Variants in RSRC1 observed in about 807,000 individuals in gnomAD.
RSRC1 encodes the protein serine/Arginine-related protein 53.
In RSRC1, 39 loss-of-function variants were observed where a neutral mutation model predicts 49.1. The ratio of observed to expected loss-of-function variants is 0.79; its 90% CI spans 0.61 to 1.04. The LOEUF (loss-of-function observed/expected upper bound fraction) is 1.04. RSRC1 is among the 50% of genes least tolerant of loss of function. The probability of loss-of-function intolerance (pLI) is 0.00; values close to 1 mark genes in which losing one functional copy is unlikely to be tolerated. For synonymous variants in RSRC1, 143 were observed against 130.8 expected (o/e 1.09, Z -0.63); for missense variants, 388 against 402.4 (o/e 0.96, Z 0.31).
chr3:158,528,211 A>G (rs556312788), intron 7 of RSRC1, among the ~76,000 whole-genome samples: 1 of 152,086 alleles, frequency 6.6e-6, no homozygotes, highest in South Asian at 2.1e-4. Flanking sequence ...GCCAGCAACA[A>G]AAGAGCAGTA....
At chr3:158,492,599 C>T (rs1739131678) in intron 7 of RSRC1, among the ~76,000 whole-genome samples, 1 of 152,166 alleles carries the variant, frequency 6.6e-6, no homozygotes, top group Admixed American at 6.5e-5. Flanking sequence ...GCCACTTCCC[C>T]AGAAGGAAAG....
At chr3:158,147,209 AG>A (rs1460937653) in intron 3 of RSRC1, among the ~76,000 whole-genome samples, 1 of 148,242 alleles carries the variant, frequency 6.7e-6, no homozygotes, top group Non-Finnish European at 1.5e-5. Context: ...ACCCGCTAAA[AG>A]GAAATTTTCT....
At chr3:158,342,369 G>A (rs775311120) in intron 5 of RSRC1, among the ~76,000 whole-genome samples, 6 of 152,086 alleles carry the variant, frequency 3.9e-5, no homozygotes, top group Non-Finnish European at 7.3e-5. Flanking sequence ...AGTCTTTCCC[G>A]TGCTATTCTC....
chr3:158,307,937 T>C (rs1170910881), intron 5 of RSRC1, among the ~76,000 whole-genome samples: 1 of 151,972 alleles, frequency 6.6e-6, no homozygotes, highest in Non-Finnish European at 1.5e-5. Context: ...AACATAGCTT[T>C]ATATTTCCAA....
rs936679527 is a variant in RSRC1, at chr3:158,326,745, A to G, written c.532-28112A>G. The stretch of plus-strand genomic sequence containing the variant: ...GTATCAGGATGATGCTGGCCTCATA[A>G]AATGAGTTAGGGAGGATTCCCTCTT... On this transcript the variant is annotated intron_variant, in intron 5 of 9. Coordinates refer to ENST00000611884, the MANE Select transcript of RSRC1 (RefSeq NM_001271838.2). 2.0e-5 allele frequency among the ~76,000 whole-genome samples: 3 copies of G among 152,188 alleles called. 1 individual carries two copies. In the South Asian group the frequency reaches 6.2e-4, roughly 31 times the overall value.
At chr3:158,336,349 C>A (rs1729889195) in intron 5 of RSRC1, 1 of 152,200 alleles carries the variant, frequency 6.6e-6, no homozygotes, top group Non-Finnish European at 1.5e-5. Context: ...TCATAATGTT[C>A]TGGGGTTCCT....
At chr3:158,533,886 G>T (rs1712563231) in intron 7 of RSRC1, among the ~76,000 whole-genome samples, 1 of 151,572 alleles carries the variant, frequency 6.6e-6, no homozygotes, top group African/African-American at 2.4e-5. Context: ...TATGGGATGT[G>T]TTAATATTAA....
intron 3 of RSRC1, among the ~76,000 whole-genome samples, chr3:158,185,030 C>CT (rs10706401): frequency 1.3e-5 from 2 of 151,510 alleles, no homozygotes; most frequent in Non-Finnish European, 3.0e-5. Context: ...TGTTTTAAAT[C>CT]TTTTTTTTGA....
At chr3:158,349,595 A>G (rs576209360) in intron 5 of RSRC1, among the ~76,000 whole-genome samples, 2 of 151,042 alleles carry the variant, frequency 1.3e-5, no homozygotes, top group East Asian at 3.9e-4. Flanking sequence ...ATGGTACAGT[A>G]TCTGTACTGA....
intron 5 of RSRC1, among the ~76,000 whole-genome samples, chr3:158,351,893 A>G (rs1730896723): frequency 7.8e-6 from 1 of 127,838 alleles, no homozygotes; most frequent in Admixed American, 7.1e-5. Flanking sequence ...TAACTATTAT[A>G]TAATATATAA....
intron 4 of RSRC1, among the ~76,000 whole-genome samples, chr3:158,280,551 T>A (rs1726080745): frequency 6.6e-6 from 1 of 151,798 alleles, no homozygotes; most frequent in Non-Finnish European, 1.5e-5. Flanking sequence ...TAAATAATGT[T>A]TATGTGTGTG....
chr3:158,190,588 T>G (rs941649326), intron 3 of RSRC1, among the ~76,000 whole-genome samples: 9 of 151,416 alleles, frequency 5.9e-5, no homozygotes, highest in Non-Finnish European at 1.3e-4. Flanking sequence ...TAATAGTCAT[T>G]TCATATCTCC....
At chr3:158,206,252 A>T (rs1373500572) in intron 4 of RSRC1, among the ~76,000 whole-genome samples, 4 of 152,102 alleles carry the variant, frequency 2.6e-5, no homozygotes, top group Admixed American at 1.3e-4. Flanking sequence ...TGGTTGAGAG[A>T]TATTTCCCTC....
intron 9 of RSRC1, 115 bp downstream of exon 9, chr3:158,543,602 T>C: frequency 1.8e-5 from 20 of 1,118,134 alleles, no homozygotes; most frequent in Non-Finnish European, 2.5e-5. Flanking sequence ...CAGGTTCATA[T>C]TCCCTTGCTA....
At chr3:158,188,733 T>C (rs1200926765) in intron 3 of RSRC1, among the ~76,000 whole-genome samples, 1 of 151,900 alleles carries the variant, frequency 6.6e-6, no homozygotes, top group Non-Finnish European at 1.5e-5. Context: ...GATTTCTCTT[T>C]TAAAAAAATC....
At chr3:158,541,374 T>C (rs1296094527) in intron 8 of RSRC1, among the ~76,000 whole-genome samples, 1 of 152,218 alleles carries the variant, frequency 6.6e-6, no homozygotes, top group Admixed American at 6.5e-5. Context: ...TTTGTGATTA[T>C]GCATTATTTT....
intron 6 of RSRC1, among the ~76,000 whole-genome samples, chr3:158,409,826 G>C (rs1734352999): frequency 6.6e-6 from 1 of 152,140 alleles, no homozygotes; most frequent in African/African-American, 2.4e-5. Flanking sequence ...AATAATAAAA[G>C]AGGGCATATG....
At chr3:158,170,868 T>C (rs1044955139) in intron 3 of RSRC1, among the ~76,000 whole-genome samples, 12 of 152,196 alleles carry the variant, frequency 7.9e-5, no homozygotes, top group African/African-American at 2.4e-4. Context: ...AGAGCTCTTA[T>C]TCATTTTTCC....
At chr3:158,434,865 T>G (rs992463963) in intron 6 of RSRC1, among the ~76,000 whole-genome samples, 2 of 152,080 alleles carry the variant, frequency 1.3e-5, no homozygotes, top group African/African-American at 4.8e-5. Flanking sequence ...GGGTAAAGTT[T>G]TTAATTATGC....
Sources: allele counts gnomAD v4.1 joint callset (sites outside exome capture counted in the v4.1 genomes callset), GRCh38; gene constraint gnomAD v4.1.1; transcripts MANE v1.5; gene names NCBI Gene and HGNC (gene_info 2026-07-23, HGNC 2026-07-21).